Variants in SMIM7 observed in about 807,000 individuals in gnomAD.
SMIM7 encodes the protein small integral membrane protein 7.
In SMIM7, 12 loss-of-function variants were observed where a neutral mutation model predicts 13.3. That is an observed-to-expected ratio of 0.90 (90% confidence interval 0.58 to 1.46). SMIM7 has a LOEUF of 1.46. Ranked by LOEUF, SMIM7 falls within the 40% of genes most tolerant of loss-of-function variation. The pLI is 0.00. For synonymous variants in SMIM7, 36 were observed against 35.8 expected (o/e 1.01, Z -0.02); for missense variants, 114 against 94.8 (o/e 1.20, Z -0.84).
intron 4 of SMIM7, among the ~76,000 whole-genome samples, chr19:16,635,897 A>ATATATATAT (rs1219247102): frequency 8.9e-5 from 11 of 123,826 alleles, no homozygotes; most frequent in African/African-American, 3.5e-4. Context: ...AAAAAAAAAA[A>ATATATATAT]AAATATATAT....
chr19:16,653,874 G>A (rs2086561726), intron 4 of SMIM7, 161 bp downstream of exon 4: 4 of 644,660 alleles, frequency 6.2e-6, no homozygotes, highest in South Asian at 2.1e-5. Flanking sequence ...CAGTTTAGGC[G>A]ACAGAGCAAG....
At chr19:16,652,535 C>T in intron 4 of SMIM7, 9 of 1,087,588 alleles carry the variant, frequency 8.3e-6, no homozygotes, top group Non-Finnish European at 1.0e-5. Context: ...CCTTGATCTC[C>T]TCACAAGCCT....
At chr19:16,643,367 A>G (rs1390680746), downstream of SMIM7, among the ~76,000 whole-genome samples, 1 of 152,190 alleles carries the variant, frequency 6.6e-6, no homozygotes, top group East Asian at 1.9e-4. Context: ...TATGCATTTG[A>G]TAAGTTTCTT....
chr19:16,642,178 C>G (rs888392858), downstream of SMIM7, among the ~76,000 whole-genome samples: 1 of 152,212 alleles, frequency 6.6e-6, no homozygotes, highest in Admixed American at 6.5e-5. Flanking sequence ...TACACAAAAT[C>G]TGAACACAAA....
intron 4 of SMIM7, among the ~76,000 whole-genome samples, chr19:16,649,386 G>T (rs1348000786): frequency 6.6e-6 from 1 of 152,082 alleles, no homozygotes; most frequent in Non-Finnish European, 1.5e-5. Context: ...GACCAGCTTG[G>T]ACAACATGGT....
Position 16,653,427 on chromosome 19 carries a change from A to G in SMIM7, c.212+608T>C, listed in dbSNP as rs1201657079. Among the ~76,000 whole-genome samples, 4 of 152,100 alleles carry G rather than the reference A, an allele frequency of 2.6e-5. No homozygotes were observed. The East Asian group carries it at 7.7e-4, about 29-fold the overall frequency. ...ATGAAACCCTGTCTCTTGTAAAAAT[A>G]CAAAAATTAGCCAGGTGTGGTGGTG... On this transcript the variant is annotated intron_variant, in intron 4 of 4. Coordinates refer to ENST00000487416, the MANE Select transcript of SMIM7 (RefSeq NM_024104.4).
intron 4 of SMIM7, among the ~76,000 whole-genome samples, chr19:16,638,619 T>C (rs1313172060): frequency 6.6e-6 from 1 of 152,134 alleles, no homozygotes; most frequent in Admixed American, 6.6e-5. Flanking sequence ...TTAACCTCTT[T>C]TCTTATAAAT....
At chr19:16,658,242 C>T (rs575129309) in intron 3 of SMIM7, among the ~76,000 whole-genome samples, 4 of 152,344 alleles carry the variant, frequency 2.6e-5, no homozygotes, top group African/African-American at 9.6e-5. Flanking sequence ...TGCTTAGAAA[C>T]CATGTGTCCC....
At chr19:16,659,548 G>T in intron 2 of SMIM7, 101 bp from the exon 3 acceptor site, 1 of 1,229,440 alleles carries the variant, frequency 8.1e-7, no homozygotes, top group Non-Finnish European at 1.2e-6. Flanking sequence ...TTTCAGCCCT[G>T]GCCCTGCCGC....
At chr19:16,648,939 C>CA (rs1455350980) in intron 4 of SMIM7, among the ~76,000 whole-genome samples, 4 of 152,142 alleles carry the variant, frequency 2.6e-5, no homozygotes, top group Non-Finnish European at 4.4e-5. Context: ...CACTTGAGCC[C>CA]AGGAGGCAAA....
chr19:16,654,904 A>G (rs990165878), intron 3 of SMIM7, among the ~76,000 whole-genome samples: 1 of 152,060 alleles, frequency 6.6e-6, no homozygotes, highest in African/African-American at 2.4e-5. Context: ...GATATTTACT[A>G]TGTGGCCCTC....
At chr19:16,654,211 C>T in intron 3 of SMIM7, 86 bp from the exon 4 acceptor site, 1 of 1,114,652 alleles carries the variant, frequency 9.0e-7, no homozygotes, top group East Asian at 2.4e-5. Context: ...TGACTTCCAC[C>T]CACCCGGCGC....
At chr19:16,640,629 C>T (rs969202410) in intron 4 of SMIM7, 1 of 152,188 alleles carries the variant, frequency 6.6e-6, no homozygotes, top group Non-Finnish European at 1.5e-5. Flanking sequence ...AGGGGTCTTT[C>T]GTCTAACTAT....
intron 4 of SMIM7, chr19:16,653,723 G>A (rs1010970957): frequency 8.9e-6 from 3 of 337,008 alleles, no homozygotes; most frequent in East Asian, 1.2e-4. Context: ...ATGGAACCCC[G>A]TCTCTACTAA....
chr19:16,648,998 G>C (rs1195634052), intron 4 of SMIM7, among the ~76,000 whole-genome samples: 3 of 152,118 alleles, frequency 2.0e-5, no homozygotes, highest in Non-Finnish European at 4.4e-5. Flanking sequence ...TCCAGCCTGC[G>C]CAACAGAGTG....
At chr19:16,654,307 G>A (rs935820583) in intron 3 of SMIM7, among the ~76,000 whole-genome samples, 182 bp from the exon 4 acceptor site, 2 of 152,132 alleles carry the variant, frequency 1.3e-5, no homozygotes, top group East Asian at 3.9e-4. Context: ...GTCTACCACT[G>A]ACCAATCCCC....
intron 4 of SMIM7, among the ~76,000 whole-genome samples, chr19:16,635,712 T>C (rs1220382244): frequency 2.0e-5 from 3 of 151,278 alleles, no homozygotes; most frequent in African/African-American, 7.3e-5. Flanking sequence ...TGAAATCCCA[T>C]CTCTAAGAGA....
intron 4 of SMIM7, among the ~76,000 whole-genome samples, chr19:16,650,499 C>T (rs543122402): frequency 4.6e-5 from 7 of 152,310 alleles, no homozygotes; most frequent in African/African-American, 1.7e-4. Context: ...CATTTGAGGT[C>T]AGGAGTTCGA....
At chr19:16,652,707 C>A in intron 4 of SMIM7, 1 of 1,432,908 alleles carries the variant, frequency 7.0e-7, no homozygotes, top group Non-Finnish European at 9.1e-7. Context: ...TCGCAAACAG[C>A]CACTGGGGTG....
Sources: allele counts gnomAD v4.1 joint callset (sites outside exome capture counted in the v4.1 genomes callset), GRCh38; gene constraint gnomAD v4.1.1; transcripts MANE v1.5; gene names NCBI Gene and HGNC (gene_info 2026-07-23, HGNC 2026-07-21).